Variants in CLSTN2 observed in about 807,000 individuals in gnomAD.
The protein encoded by CLSTN2 is calsyntenin-2.
In CLSTN2, 48 loss-of-function variants were observed where a neutral mutation model predicts 101.2. That is an observed-to-expected ratio of 0.47 (90% CI 0.38 to 0.60). The LOEUF is 0.60. CLSTN2 is among the 20% of genes least tolerant of loss of function. The pLI, the probability that CLSTN2 is intolerant of heterozygous loss-of-function variation, is 0.00. For missense variants in CLSTN2, 1,160 were observed against 1,238.2 expected (o/e 0.94, Z 0.95); for synonymous variants, 481 against 463.6 (o/e 1.04, Z -0.48).
rs145384947 is a variant in CLSTN2, at chr3:140,156,091, T to C, written c.110-19860T>C. On this transcript the variant is annotated intron_variant, in intron 1 of 16. Coordinates refer to ENST00000458420, the MANE Select transcript of CLSTN2 (RefSeq NM_022131.3). Reference sequence around the variant, plus strand: ...ACGTTCTTTGCATTTCTTTCCTCCCTCATCCCACTGTCCACTACTCTCCTA... The same window carrying C: ...ACGTTCTTTGCATTTCTTTCCTCCCCCATCCCACTGTCCACTACTCTCCTA... Among the ~76,000 whole-genome samples, 134 of 152,292 alleles carry C rather than the reference T, an allele frequency of 8.8e-4. 1 individual carries two copies. In the East Asian group the frequency reaches 0.025, roughly 28 times the overall value.
At chr3:140,058,072 A>G (rs1412518619) in intron 1 of CLSTN2, among the ~76,000 whole-genome samples, 3 of 147,660 alleles carry the variant, frequency 2.0e-5, no homozygotes, top group Non-Finnish European at 4.5e-5. Flanking sequence ...TTGGAGATAA[A>G]GATGACTGCT....
intron 2 of CLSTN2, among the ~76,000 whole-genome samples, chr3:140,217,576 TATG>T (rs1391727023): frequency 1.3e-5 from 2 of 152,254 alleles, no homozygotes; most frequent in Non-Finnish European, 2.9e-5. Flanking sequence ...CCTTGTTTAA[TATG>T]ATGATTACGA....
At chr3:140,509,534 C>G (rs1318617376) in intron 8 of CLSTN2, among the ~76,000 whole-genome samples, 1 of 152,162 alleles carries the variant, frequency 6.6e-6, no homozygotes, top group Non-Finnish European at 1.5e-5. Context: ...TTTTCCAAAG[C>G]ATTTTTTACT....
intron 2 of CLSTN2, among the ~76,000 whole-genome samples, chr3:140,229,448 A>AT (rs1226630994): frequency 6.6e-6 from 1 of 151,912 alleles, no homozygotes; most frequent in East Asian, 1.9e-4. Flanking sequence ...ACATTCCCAC[A>AT]TTTCTGGGGA....
intron 5 of CLSTN2, among the ~76,000 whole-genome samples, chr3:140,424,234 G>A (rs1030409860): frequency 2.0e-5 from 3 of 152,160 alleles, no homozygotes; most frequent in Non-Finnish European, 4.4e-5. Flanking sequence ...ACTGTGTTTG[G>A]CATCCGGATC....
chr3:140,224,322 C>T (rs72988169), intron 2 of CLSTN2, among the ~76,000 whole-genome samples: 4,877 of 152,222 alleles, frequency 0.032, 243 homozygotes, highest in African/African-American at 0.11. Flanking sequence ...GAAAGTCAAA[C>T]AAGATAATGA....
At chr3:139,956,138 G>A (rs541898688) in intron 1 of CLSTN2, among the ~76,000 whole-genome samples, 1 of 151,904 alleles carries the variant, frequency 6.6e-6, no homozygotes, top group Non-Finnish European at 1.5e-5. Flanking sequence ...GAGTCTCAGA[G>A]AGCTTCAGAA....
chr3:140,119,609 G>T (rs908460810), intron 1 of CLSTN2, among the ~76,000 whole-genome samples: 1 of 152,084 alleles, frequency 6.6e-6, no homozygotes, highest in Admixed American at 6.6e-5. Context: ...TGACCTCTCA[G>T]GCTCAATCAA....
At position 140,546,655 on chromosome 3, in the gene CLSTN2, T is replaced by C. The variant is rs147654181; in HGVS notation, c.1648T>C (p.Leu550=). The C allele has an allele frequency of 2.0e-5, 33 of 1,613,126 alleles. No individual in the cohort carries two copies. The African/African-American group carries it at 3.2e-4, about 16-fold the overall frequency. The change falls in exon 10 of 17, where the codon TTG becomes CTG. Residue 550 remains leucine, a synonymous_variant. Transcript: ENST00000458420. ...CAAGGAAGGGCTGGACATTAATTCC[T>C]TGGAAAGCCTTGGCCAAGGAATAAA... The part of the protein sequence containing the change: ...ACKEGLDINS[L]ESLGQGIKYH...
intron 4 of CLSTN2, among the ~76,000 whole-genome samples, chr3:140,420,206 T>C (rs918096031): frequency 6.6e-6 from 1 of 152,002 alleles, no homozygotes; most frequent in Admixed American, 6.6e-5. Flanking sequence ...TTTTGTTCAT[T>C]TGTTTTTTAA....
At chr3:140,328,673 G>A (rs1357940396) in intron 2 of CLSTN2, among the ~76,000 whole-genome samples, 1 of 152,118 alleles carries the variant, frequency 6.6e-6, no homozygotes, top group African/African-American at 2.4e-5. Context: ...TAAAGACAGT[G>A]GATCATGGAG....
intron 7 of CLSTN2, 73 bp downstream of exon 7, chr3:140,459,842 T>C (rs186701664): frequency 2.0e-6 from 3 of 1,527,760 alleles, no homozygotes; most frequent in Non-Finnish European, 2.7e-6. Context: ...TGGCTGGACA[T>C]GGACACAGCC....
At chr3:140,376,573 C>T (rs1014386094) in intron 2 of CLSTN2, among the ~76,000 whole-genome samples, 22 of 152,192 alleles carry the variant, frequency 1.4e-4, no homozygotes, top group Non-Finnish European at 4.4e-5. Context: ...GATAGGTAAA[C>T]TCTACATGGA....
chr3:140,528,319 G>C (rs1001661139), intron 8 of CLSTN2, among the ~76,000 whole-genome samples: 2 of 151,938 alleles, frequency 1.3e-5, no homozygotes, highest in African/African-American at 4.8e-5. Flanking sequence ...AGCAATCCAA[G>C]TCCTCAGTTT....
At chr3:140,314,034 A>G (rs2087203391) in intron 2 of CLSTN2, among the ~76,000 whole-genome samples, 1 of 152,172 alleles carries the variant, frequency 6.6e-6, no homozygotes, top group Admixed American at 6.5e-5. Flanking sequence ...TGTGACTGGG[A>G]GTTTTGACAG....
At chr3:140,367,711 C>G (rs1290756571) in intron 2 of CLSTN2, among the ~76,000 whole-genome samples, 1 of 152,118 alleles carries the variant, frequency 6.6e-6, no homozygotes, top group Non-Finnish European at 1.5e-5. Context: ...CACGAGGTCC[C>G]TAATGTTCTT....
In CLSTN2 at chr3:140,278,883, C is replaced by T. The variant is rs770944399; in HGVS notation, c.232+102810C>T. On this transcript the variant is annotated intron_variant, in intron 2 of 16. Coordinates refer to ENST00000458420, the MANE Select transcript of CLSTN2 (RefSeq NM_022131.3). The stretch of plus-strand genomic sequence containing the variant: ...TACAAGTGCCTGCCACTATGCCTGG[C>T]TAATGGTTTTAATTTTTTCTAGAGA... Among the ~76,000 whole-genome samples, 5 of 152,032 alleles carry T rather than the reference C, an allele frequency of 3.3e-5. No individual in the cohort carries two copies. The East Asian group carries it at 9.7e-4, about 30-fold the overall frequency.
At chr3:140,347,156 C>A (rs3947733) in intron 2 of CLSTN2, among the ~76,000 whole-genome samples, 57,323 of 152,066 alleles carry the variant, frequency 0.38, 11,984 homozygotes, top group Non-Finnish European at 0.49. Flanking sequence ...ATGGTTTTCT[C>A]AATAAACACC....
At chr3:140,099,942 T>C (rs2008937401) in intron 1 of CLSTN2, among the ~76,000 whole-genome samples, 1 of 152,140 alleles carries the variant, frequency 6.6e-6, no homozygotes, top group Admixed American at 6.5e-5. Context: ...TGACCTACTT[T>C]CTCTGGCAGT....
Sources: allele counts gnomAD v4.1 joint callset (sites outside exome capture counted in the v4.1 genomes callset), GRCh38; gene constraint gnomAD v4.1.1; transcripts MANE v1.5; gene names NCBI Gene and HGNC (gene_info 2026-07-23, HGNC 2026-07-21).